EVI5: variants seen among roughly 807,000 people sequenced by gnomAD.
EVI5 encodes ecotropic viral integration site 5, also known as ecotropic viral integration site 5 protein homolog.
Under a neutral mutation model 112.0 loss-of-function variants are expected in EVI5, and 73 were observed. The observed-to-expected ratio is 0.65, with a 90% CI of 0.54 to 0.79. EVI5 has a LOEUF of 0.79. EVI5 is among the 30% of genes least tolerant of loss of function. The pLI, the probability that EVI5 is intolerant of heterozygous loss-of-function variation, is 0.00. For missense variants in EVI5, 900 were observed against 968.8 expected (o/e 0.93, Z 0.94); for synonymous variants, 305 against 319.9 (o/e 0.95, Z 0.50).
At chr1:92,640,439 GCA>G (rs1292104488) in intron 13 of EVI5, among the ~76,000 whole-genome samples, 1 of 152,142 alleles carries the variant, frequency 6.6e-6, no homozygotes, top group East Asian at 1.9e-4. Flanking sequence ...CAAAAAGTGG[GCA>G]AAGGATATGA....
intron 1 of EVI5, among the ~76,000 whole-genome samples, chr1:92,757,447 A>G (rs1219859334): frequency 6.6e-6 from 1 of 152,130 alleles, no homozygotes; most frequent in African/African-American, 2.4e-5. Context: ...CTCTAGAAGA[A>G]ATTTTGAGTA....
intron 18 of EVI5, among the ~76,000 whole-genome samples, chr1:92,576,768 G>A (rs1173362022): frequency 6.6e-6 from 1 of 152,174 alleles, no homozygotes; most frequent in African/African-American, 2.4e-5. Flanking sequence ...AGAGTGATAT[G>A]TATTCTCCCA....
intron 9 of EVI5, among the ~76,000 whole-genome samples, chr1:92,681,404 T>C (rs571584369): frequency 2.0e-5 from 3 of 152,278 alleles, no homozygotes; most frequent in South Asian, 2.1e-4. Flanking sequence ...ATGTAAACAA[T>C]TGGTGAATCT....
intron 19 of EVI5, among the ~76,000 whole-genome samples, chr1:92,528,569 T>C (rs1031307282): frequency 1.3e-5 from 2 of 152,172 alleles, no homozygotes; most frequent in African/African-American, 2.4e-5. Context: ...TTTACAATAG[T>C]CAAATGCACA....
chr1:92,686,477 A>T (rs1490736219), intron 9 of EVI5, among the ~76,000 whole-genome samples: 1 of 152,204 alleles, frequency 6.6e-6, no homozygotes, highest in Non-Finnish European at 1.5e-5. Flanking sequence ...CCCTTTGAAA[A>T]CCTGCACAAG....
chr1:92,746,280 A>G (rs757152550), intron 1 of EVI5, among the ~76,000 whole-genome samples: 12 of 152,230 alleles, frequency 7.9e-5, no homozygotes, highest in Non-Finnish European at 1.6e-4. Context: ...TGTTAAATTT[A>G]ATGTGTCTAA....
chr1:92,694,979 T>G (rs1248670858), intron 7 of EVI5, among the ~76,000 whole-genome samples: 3 of 152,184 alleles, frequency 2.0e-5, no homozygotes, highest in African/African-American at 7.2e-5. Flanking sequence ...ACTGTATGAG[T>G]TAGGAGGTGA....
chr1:92,513,568 T>C lies in EVI5; in HGVS notation c.*88A>G, dbSNP rs6689737. On this transcript the variant is annotated 3_prime_UTR_variant, in exon 20 of 20. Coordinates refer to ENST00000684568, the MANE Select transcript of EVI5 (RefSeq NM_001350197.2). ...ATATATATATATATATATATATATG[T>C]ACATATGAAACAAATTATTTCCAAA... 3,530 of 200,726 alleles carry C rather than the reference T, an allele frequency of 0.018. 264 individuals carry two copies. In the African/African-American group the frequency reaches 0.27, roughly 16 times the overall value. 12.4% of individuals were successfully genotyped at this position (200,726 alleles called of 1,614,324 possible). A position where few individuals can be genotyped will look rare whatever the true frequency, so the allele number is the denominator to read the frequency against.
chr1:92,527,552 C>A (rs1472300942), intron 19 of EVI5, among the ~76,000 whole-genome samples: 1 of 151,862 alleles, frequency 6.6e-6, no homozygotes, highest in Non-Finnish European at 1.5e-5. Context: ...ATTTTACTTA[C>A]ATACATAGTC....
At chr1:92,588,970 G>T (rs1405684122) in intron 18 of EVI5, among the ~76,000 whole-genome samples, 4 of 152,098 alleles carry the variant, frequency 2.6e-5, no homozygotes, top group Non-Finnish European at 5.9e-5. Context: ...AGCTGCACAT[G>T]GTGGACAGAA....
chr1:92,709,674 T>C (rs572434398), intron 2 of EVI5, among the ~76,000 whole-genome samples: 44 of 152,324 alleles, frequency 2.9e-4, no homozygotes, highest in African/African-American at 8.9e-4. Flanking sequence ...GTAGTAACAC[T>C]TGAATTGATA....
intron 11 of EVI5, among the ~76,000 whole-genome samples, chr1:92,664,062 C>T (rs1664477291): frequency 6.6e-6 from 1 of 152,146 alleles, no homozygotes; most frequent in Admixed American, 6.5e-5. Context: ...ATTTCCTCTT[C>T]CTCTTTTGGT....
intron 1 of EVI5, among the ~76,000 whole-genome samples, chr1:92,767,082 C>CAAAAA (rs35316799): frequency 8.8e-6 from 1 of 113,232 alleles, no homozygotes; most frequent in African/African-American, 3.5e-5. Context: ...GACTCCCTCT[C>CAAAAA]AAAAAAAAAA....
At chr1:92,756,220 T>C in intron 1 of EVI5, 1 of 419,084 alleles carries the variant, frequency 2.4e-6, no homozygotes, top group Non-Finnish European at 4.8e-6. Context: ...AACCTATCAG[T>C]GGAATGGACC....
In EVI5 at chr1:92,511,664, G is replaced by A. The variant is rs557494017; in HGVS notation, c.*1992C>T. 1 of 152,114 alleles carries A rather than the reference G, an allele frequency of 6.6e-6. No homozygotes were observed. The highest frequency in any genetic ancestry group is 1.9e-4 in the East Asian group (1 of 5,176). 9.4% of individuals were successfully genotyped at this position (152,114 alleles called of 1,614,324 possible). On this transcript the variant is annotated 3_prime_UTR_variant, in exon 20 of 20. Transcript: ENST00000684568. ...GCCTGGACAACACAGTGAGACACCT[G>A]TCTCTATATTAAAAAAAATCTTGGC... is the stretch of plus-strand genomic sequence containing the variant.
At chr1:92,598,137 C>A (rs1648337847) in intron 18 of EVI5, among the ~76,000 whole-genome samples, 2 of 151,984 alleles carry the variant, frequency 1.3e-5, no homozygotes, top group African/African-American at 4.8e-5. Context: ...CACCACTGCC[C>A]AAAAGAGAAT....
At chr1:92,635,146 C>G (rs1045410894) in intron 14 of EVI5, among the ~76,000 whole-genome samples, 2 of 152,210 alleles carry the variant, frequency 1.3e-5, no homozygotes, top group Admixed American at 1.3e-4. Context: ...CTTGAGGAGG[C>G]AGTCTGTCGG....
chr1:92,677,838 G>C (rs1211941657), intron 9 of EVI5, among the ~76,000 whole-genome samples: 1 of 152,128 alleles, frequency 6.6e-6, no homozygotes, highest in Non-Finnish European at 1.5e-5. Context: ...TTACAGTACA[G>C]AATCCTAGTA....
At chr1:92,673,392 TA>T (rs1236468203) in intron 10 of EVI5, among the ~76,000 whole-genome samples, 1 of 152,114 alleles carries the variant, frequency 6.6e-6, no homozygotes, top group Non-Finnish European at 1.5e-5. Context: ...AATTTAAATA[TA>T]AAAATTAGAT....
Sources: gnomAD v4.1 joint callset for allele counts (sites outside exome capture counted in the v4.1 genomes callset) on GRCh38, gnomAD v4.1.1 for gene constraint, MANE v1.5 for transcripts, NCBI Gene and HGNC (gene_info 2026-07-23, HGNC 2026-07-21) for gene names.